MTCL2: variants seen among roughly 807,000 people sequenced by gnomAD.
The protein encoded by MTCL2 is microtubule cross-linking factor 2.
the MTCL2 span, chr20:36,829,215 G>A: frequency 1.2e-5 from 20 of 1,606,026 alleles, no homozygotes; most frequent in Middle Eastern, 4.9e-4. Flanking sequence ...TTAGAGACCT[G>A]TGCAGGGGTG....
At chr20:36,858,691 C>G in the MTCL2 span, among the ~76,000 whole-genome samples, 4 of 152,152 alleles carry the variant, frequency 2.6e-5, no homozygotes, top group Non-Finnish European at 5.9e-5. Flanking sequence ...ATTCCTCAGG[C>G]GACTTGGGTT....
the MTCL2 span, among the ~76,000 whole-genome samples, chr20:36,852,739 CCAGTTTT>C: frequency 6.6e-6 from 1 of 152,104 alleles, no homozygotes; most frequent in Non-Finnish European, 1.5e-5. Context: ...AAGCTAGGGT[CCAGTTTT>C]CAGGAAGTTG....
the MTCL2 span, among the ~76,000 whole-genome samples, chr20:36,844,255 TA>T: frequency 2.7e-5 from 4 of 150,224 alleles, no homozygotes; most frequent in Non-Finnish European, 5.9e-5. Context: ...TAAAATAAAA[TA>T]AAATAAAATA....
the MTCL2 span, among the ~76,000 whole-genome samples, chr20:36,857,917 C>T: frequency 6.6e-6 from 1 of 152,120 alleles, no homozygotes; most frequent in South Asian, 2.1e-4. Context: ...CGGCCCTGGG[C>T]GGGCGTGCTT....
chr20:36,785,586 TGTA>T, the MTCL2 span: 19 of 985,376 alleles, frequency 1.9e-5, no homozygotes, highest in African/African-American at 3.0e-4. Flanking sequence ...ACAGTGGAGA[TGTA>T]GTGCCTGCTG....
the MTCL2 span, among the ~76,000 whole-genome samples, chr20:36,832,982 A>G: frequency 5.1e-4 from 77 of 152,278 alleles, no homozygotes; most frequent in Non-Finnish European, 9.7e-4. Context: ...TTACAGAATC[A>G]GCTGGAACAT....
the MTCL2 span, chr20:36,794,320 A>G: frequency 6.4e-7 from 1 of 1,571,240 alleles, no homozygotes; most frequent in Non-Finnish European, 8.6e-7. This position sits in a 1 kb window ranked among gnomAD's most constrained non-coding sequence, Gnocchi z 5.4. Flanking sequence ...CCGGGGGACT[A>G]TAGTAGACTC....
the MTCL2 span, among the ~76,000 whole-genome samples, chr20:36,799,001 T>C: frequency 0.024 from 3,668 of 152,296 alleles, 85 homozygotes; most frequent in Non-Finnish European, 0.038. Context: ...CTTGAATTCA[T>C]GTCTAGGGCT....
the MTCL2 span, chr20:36,829,251 G>A: frequency 6.4e-6 from 10 of 1,557,158 alleles, no homozygotes; most frequent in African/African-American, 1.2e-4. Context: ...TGAGCAGGCT[G>A]AGGAGAGCCC....
At chr20:36,840,562 G>A in the MTCL2 span, among the ~76,000 whole-genome samples, 48 of 151,668 alleles carry the variant, frequency 3.2e-4, 1 homozygote, top group Admixed American at 5.9e-4. Flanking sequence ...TAAGAAACAT[G>A]GATGAGGTTG....
the MTCL2 span, among the ~76,000 whole-genome samples, chr20:36,826,396 G>T: frequency 6.1e-4 from 65 of 105,788 alleles, no homozygotes; most frequent in Non-Finnish European, 9.3e-4. Context: ...TCTCCCTCTC[G>T]ATGCAGGGTC....
chr20:36,828,368 G>A, the MTCL2 span, among the ~76,000 whole-genome samples: 2 of 152,284 alleles, frequency 1.3e-5, no homozygotes, highest in African/African-American at 4.8e-5. Context: ...CACAAAATGG[G>A]CATGATCGCA....
chr20:36,817,283 A>G, the MTCL2 span: 3 of 867,972 alleles, frequency 3.5e-6, no homozygotes, highest in Non-Finnish European at 5.2e-6. Flanking sequence ...AAAAAAAAAA[A>G]AGAAAAGAAA....
the MTCL2 span, among the ~76,000 whole-genome samples, chr20:36,832,964 C>T: frequency 1.3e-5 from 2 of 152,296 alleles, no homozygotes; most frequent in African/African-American, 4.8e-5. Flanking sequence ...TCGGCCCTCA[C>T]AAGTGATTTA....
chr20:36,815,498 C>A, the MTCL2 span: 1 of 1,586,460 alleles, frequency 6.3e-7, no homozygotes, highest in East Asian at 2.3e-5. This position sits in a 1 kb window ranked among gnomAD's most constrained non-coding sequence, Gnocchi z 5.3. Flanking sequence ...CCTCGGCCTC[C>A]CTGGCTCTGC....
At chr20:36,816,014 A>G in the MTCL2 span, 2 of 1,613,612 alleles carry the variant, frequency 1.2e-6, no homozygotes, top group Non-Finnish European at 1.7e-6. Context: ...CGTCCATCTC[A>G]GCCCGCAGGC....
At chr20:36,784,306 A>T in the MTCL2 span, 6 of 985,990 alleles carry the variant, frequency 6.1e-6, no homozygotes, top group African/African-American at 1.0e-4. Flanking sequence ...CACACCAGTC[A>T]CTGGGGCATG....
At chr20:36,857,265 G>A in the MTCL2 span, among the ~76,000 whole-genome samples, 5 of 152,282 alleles carry the variant, frequency 3.3e-5, no homozygotes, top group African/African-American at 4.8e-5. Flanking sequence ...GGTGTAAGAT[G>A]TGTATATGAG....
At chr20:36,808,351 C>G in the MTCL2 span, among the ~76,000 whole-genome samples, 1 of 142,208 alleles carries the variant, frequency 7.0e-6, no homozygotes, top group African/African-American at 2.6e-5. Context: ...GAGACTCCAT[C>G]TCGGAAAAAA....
Sources: allele counts gnomAD v4.1 joint callset (sites outside exome capture counted in the v4.1 genomes callset), GRCh38; gene constraint gnomAD v4.1.1; non-coding constraint Gnocchi (gnomAD v3.1); transcripts MANE v1.5; gene names NCBI Gene and HGNC (gene_info 2026-07-23, HGNC 2026-07-21).